Variants in SDC2 observed in about 807,000 individuals in gnomAD.
The protein encoded by SDC2 is syndecan 2.
A neutral mutation model predicts 22.2 loss-of-function variants in SDC2; 13 were observed. The ratio of observed to expected loss-of-function variants is 0.59; its 90% CI spans 0.38 to 0.93. The LOEUF (loss-of-function observed/expected upper bound fraction) is 0.93, where lower values mean the gene tolerates loss of function less well. SDC2 is among the 40% of genes least tolerant of loss of function. SDC2 has a pLI of 0.00. For missense variants in SDC2, 235 were observed against 246.8 expected (o/e 0.95, Z 0.32); for synonymous variants, 94 against 92.8 (o/e 1.01, Z -0.07).
At chr8:96,517,742 TGC>T (rs991379799) in intron 1 of SDC2, among the ~76,000 whole-genome samples, 90 of 116,782 alleles carry the variant, frequency 7.7e-4, no homozygotes, top group African/African-American at 3.2e-3. Context: ...TATATGTGTG[TGC>T]ATAAATACAC....
At chr8:96,583,136 G>A (rs1348377367) in intron 1 of SDC2, among the ~76,000 whole-genome samples, 1 of 145,214 alleles carries the variant, frequency 6.9e-6, no homozygotes, top group Non-Finnish European at 1.5e-5. Context: ...ATCTTTTGTA[G>A]AGATGAGATC....
intron 1 of SDC2, among the ~76,000 whole-genome samples, chr8:96,572,114 G>A (rs1814406583): frequency 6.6e-6 from 1 of 152,126 alleles, no homozygotes; most frequent in Admixed American, 6.5e-5. Context: ...GTCCACCTTG[G>A]TGGCCTCATT....
intron 1 of SDC2, among the ~76,000 whole-genome samples, chr8:96,587,231 CT>C (rs1814701838): frequency 6.6e-6 from 1 of 152,114 alleles, no homozygotes; most frequent in Non-Finnish European, 1.5e-5. Flanking sequence ...GCCTAAAGAC[CT>C]TTCTTAAGAA....
At chr8:96,530,507 G>C (rs1813644054) in intron 1 of SDC2, among the ~76,000 whole-genome samples, 1 of 152,122 alleles carries the variant, frequency 6.6e-6, no homozygotes, top group East Asian at 1.9e-4. Flanking sequence ...GTTAGCGGGT[G>C]CCTGTAATCC....
intron 1 of SDC2, among the ~76,000 whole-genome samples, chr8:96,512,348 G>C (rs1415517748): frequency 6.6e-6 from 1 of 152,186 alleles, no homozygotes; most frequent in African/African-American, 2.4e-5. Flanking sequence ...CAAGTTAACA[G>C]CCTGTCCTGT....
At chr8:96,555,638 A>G (rs1238073769) in intron 1 of SDC2, among the ~76,000 whole-genome samples, 2 of 152,332 alleles carry the variant, frequency 1.3e-5, no homozygotes, top group South Asian at 2.1e-4. Context: ...AAACTAGGCT[A>G]GATTTAAAAT....
intron 1 of SDC2, among the ~76,000 whole-genome samples, chr8:96,512,609 T>C (rs902570396): frequency 1.3e-5 from 2 of 151,892 alleles, no homozygotes; most frequent in Non-Finnish European, 2.9e-5. Context: ...GTGGAGAACA[T>C]GGGGGTGCTC....
chr8:96,513,412 C>T (rs1813356996), intron 1 of SDC2, among the ~76,000 whole-genome samples: 1 of 152,254 alleles, frequency 6.6e-6, no homozygotes, highest in East Asian at 1.9e-4. Flanking sequence ...CCCTTCTGAG[C>T]CTTCACAGGC....
intron 1 of SDC2, among the ~76,000 whole-genome samples, chr8:96,518,270 C>A (rs1354239656): frequency 3.3e-5 from 5 of 149,746 alleles, no homozygotes; most frequent in Non-Finnish European, 7.4e-5. Flanking sequence ...AAATGCCTGA[C>A]AGAAAAAAAA....
Position 96,609,451 on chromosome 8 carries a change from G to T in SDC2, c.509G>T (p.Arg170Leu). Reference protein sequence around the residue: ...AIFLILLLVYRMRKKDEGSYD... With the variant: ...AIFLILLLVYLMRKKDEGSYD... ...TTTCTTATCCTGCTGTTGGTGTATCGCATGAGAAAGAAGGATGAAGGAAGC... is the reference window on the plus strand; with the variant it reads ...TTTCTTATCCTGCTGTTGGTGTATCTCATGAGAAAGAAGGATGAAGGAAGC... Residue 170 changes from arginine (R) to leucine (L), a missense_variant, in exon 5 of 5, where the codon CGC becomes CTC. Coordinates refer to ENST00000302190, the MANE Select transcript of SDC2 (RefSeq NM_002998.4). 1 of 1,613,342 alleles carries T rather than the reference G, an allele frequency of 6.2e-7. No individual in the cohort carries two copies. Among genetic ancestry groups the T allele is most frequent in the Non-Finnish European group, 8.5e-7 (1 of 1,179,624 alleles).
chr8:96,603,994 A>G (rs1314989509), intron 3 of SDC2, among the ~76,000 whole-genome samples: 1 of 152,262 alleles, frequency 6.6e-6, no homozygotes, highest in Non-Finnish European at 1.5e-5. Flanking sequence ...AATTGGTGGT[A>G]CGATGACTGC....
At chr8:96,567,514 A>G (rs1178195238) in intron 1 of SDC2, among the ~76,000 whole-genome samples, 1 of 151,880 alleles carries the variant, frequency 6.6e-6, no homozygotes, top group Admixed American at 6.6e-5. Flanking sequence ...TCTCTTCCCC[A>G]CTCTGAGTCT....
chr8:96,495,343 G>A (rs749123684), intron 1 of SDC2, among the ~76,000 whole-genome samples: 2 of 152,208 alleles, frequency 1.3e-5, no homozygotes, highest in African/African-American at 2.4e-5. Flanking sequence ...CGCGCTTCGG[G>A]GGCTGGAGCT....
intron 2 of SDC2, among the ~76,000 whole-genome samples, chr8:96,600,792 C>T (rs958987355): frequency 3.3e-5 from 5 of 152,182 alleles, no homozygotes; most frequent in African/African-American, 1.2e-4. Flanking sequence ...CTGGTTTGGA[C>T]ATGTTCAGAG....
chr8:96,494,406 G>GT, intron 1 of SDC2, 75 bp downstream of exon 1: 1 of 1,430,138 alleles, frequency 7.0e-7, no homozygotes, highest in Non-Finnish European at 9.4e-7. Flanking sequence ...CAGGGAATAG[G>GT]GGAGCGCCAC....
intron 1 of SDC2, among the ~76,000 whole-genome samples, chr8:96,566,634 AGATT>A (rs1046668553): frequency 8.8e-4 from 133 of 151,700 alleles, no homozygotes; most frequent in African/African-American, 2.8e-3. Context: ...AGTTTCTCTG[AGATT>A]GATCTATTTT....
chr8:96,591,807 G>A (rs951024634), intron 1 of SDC2, among the ~76,000 whole-genome samples: 12 of 151,990 alleles, frequency 7.9e-5, no homozygotes, highest in African/African-American at 1.7e-4. Context: ...ACGAATGGTG[G>A]TTCAACCCAA....
At chr8:96,494,829 G>A (rs1261193046) in intron 1 of SDC2, among the ~76,000 whole-genome samples, 1 of 152,214 alleles carries the variant, frequency 6.6e-6, no homozygotes, top group Admixed American at 6.5e-5. Context: ...TGGGGAGATG[G>A]GGGCCAGATT....
At chr8:96,605,125 A>AT (rs1815056063) in intron 3 of SDC2, among the ~76,000 whole-genome samples, 1 of 152,166 alleles carries the variant, frequency 6.6e-6, no homozygotes, top group African/African-American at 2.4e-5. Flanking sequence ...ACTCTCTTAA[A>AT]TGACTTTAGG....
Sources: gnomAD v4.1 joint callset for allele counts (sites outside exome capture counted in the v4.1 genomes callset) on GRCh38, gnomAD v4.1.1 for gene constraint, MANE v1.5 for transcripts, NCBI Gene and HGNC (gene_info 2026-07-23, HGNC 2026-07-21) for gene names.